KIAA1217: variants seen among roughly 807,000 people sequenced by gnomAD.
KIAA1217 encodes the protein sickle tail protein homolog.
A neutral mutation model predicts 163.9 loss-of-function variants in KIAA1217; 88 were observed. The observed-to-expected ratio is 0.54, with a 90% CI of 0.45 to 0.64. The LOEUF (loss-of-function observed/expected upper bound fraction) is 0.64, where lower values mean the gene tolerates loss of function less well. Among genes scored for constraint, KIAA1217 ranks in the 30% least tolerant of loss-of-function variants. The probability of loss-of-function intolerance (pLI) is 0.00; values close to 1 mark genes in which losing one functional copy is unlikely to be tolerated. For synonymous variants in KIAA1217, 903 were observed against 923.1 expected, an observed-to-expected ratio of 0.98 and a Z score of 0.39; for missense variants, 2,372 against 2,475.0, an observed-to-expected ratio of 0.96 and a Z score of 0.88.
chr10:24,312,104 T>C (rs1206251351), intron 2 of KIAA1217, among the ~76,000 whole-genome samples: 1 of 152,130 alleles, frequency 6.6e-6, no homozygotes, highest in East Asian at 1.9e-4. Flanking sequence ...CTGGGCTTCC[T>C]CCTTCAGAGG....
rs989265856 is a variant in KIAA1217 at position 24,183,077 on chromosome 10, C to T, written c.-170-36549C>T. Among the ~76,000 whole-genome samples, 19 of 152,228 alleles carry T rather than the reference C, an allele frequency of 1.2e-4. 1 individual carries two copies. The highest frequency in any genetic ancestry group is 1.2e-3 in the South Asian group (6 of 4,824). ...GGGACTGAATTAGTGCCCACAAGAG[C>T]GGGTTGCTATAAAGCTGGGACACCC... is the stretch of plus-strand genomic sequence containing the variant. On this transcript the variant is annotated intron_variant, in intron 2 of 18. Coordinates refer to the KIAA1217 transcript ENST00000376462.
intron 1 of KIAA1217, among the ~76,000 whole-genome samples, chr10:23,899,873 G>A (rs1841881236): frequency 6.6e-6 from 1 of 151,962 alleles, no homozygotes; most frequent in Non-Finnish European, 1.5e-5. Context: ...TTTTTACTTT[G>A]ATTTAGTCCA....
intron 1 of KIAA1217, among the ~76,000 whole-genome samples, chr10:23,739,380 A>G (rs1588695489): frequency 2.0e-5 from 3 of 152,342 alleles, no homozygotes; most frequent in Admixed American, 2.0e-4. Flanking sequence ...TCTTAAATTT[A>G]CACAATTTTG....
At chr10:24,068,798 C>T (rs1350815320) in intron 2 of KIAA1217, among the ~76,000 whole-genome samples, 2 of 152,214 alleles carry the variant, frequency 1.3e-5, no homozygotes, top group Non-Finnish European at 2.9e-5. Context: ...GTTGACTATG[C>T]ACCCAACTCT....
intron 2 of KIAA1217, among the ~76,000 whole-genome samples, chr10:24,058,214 G>T (rs943536254): frequency 6.6e-6 from 1 of 152,102 alleles, no homozygotes; most frequent in Non-Finnish European, 1.5e-5. Context: ...GTATGCATGG[G>T]TTCATTTCTG....
intron 2 of KIAA1217, among the ~76,000 whole-genome samples, chr10:24,016,561 A>G (rs1847486776): frequency 6.6e-6 from 1 of 152,176 alleles, no homozygotes; most frequent in Admixed American, 6.5e-5. Flanking sequence ...TGTTTAAAGA[A>G]TTCAAGCTAA....
At chr10:24,243,357 C>T (rs1279274306) in intron 2 of KIAA1217, among the ~76,000 whole-genome samples, 2 of 151,860 alleles carry the variant, frequency 1.3e-5, no homozygotes, top group Non-Finnish European at 2.9e-5. Flanking sequence ...TCTAGTGCAC[C>T]CATTATTCAA....
At chr10:23,779,918 C>T (rs778067683) in intron 1 of KIAA1217, among the ~76,000 whole-genome samples, 10 of 152,048 alleles carry the variant, frequency 6.6e-5, no homozygotes, top group East Asian at 3.9e-4. Context: ...ATATTTAGTA[C>T]GGTAATAGGC....
intron 2 of KIAA1217, among the ~76,000 whole-genome samples, chr10:24,281,208 T>G (rs1169976189): frequency 6.6e-6 from 1 of 152,188 alleles, no homozygotes; most frequent in Non-Finnish European, 1.5e-5. Flanking sequence ...TATGGTACAT[T>G]TGTTATGATT....
At chr10:23,784,695 T>G (rs1260584035) in intron 1 of KIAA1217, among the ~76,000 whole-genome samples, 1 of 152,212 alleles carries the variant, frequency 6.6e-6, no homozygotes, top group Non-Finnish European at 1.5e-5. Flanking sequence ...TATTTCAAGT[T>G]GATAATGTCT....
At chr10:23,814,373 G>A (rs1432370831) in intron 1 of KIAA1217, among the ~76,000 whole-genome samples, 2 of 152,148 alleles carry the variant, frequency 1.3e-5, no homozygotes, top group Non-Finnish European at 2.9e-5. Context: ...GAATCCAGGT[G>A]TTCCTATTTC....
intron 2 of KIAA1217, among the ~76,000 whole-genome samples, chr10:24,032,671 G>A (rs938091725): frequency 3.3e-5 from 5 of 152,180 alleles, no homozygotes; most frequent in African/African-American, 7.2e-5. Flanking sequence ...TCACAAGTAT[G>A]TAAAGCCTCA....
chr10:24,302,554 A>AT (rs2041493810), intron 2 of KIAA1217, among the ~76,000 whole-genome samples: 1 of 152,178 alleles, frequency 6.6e-6, no homozygotes, highest in Non-Finnish European at 1.5e-5. Context: ...TTAAGGGCAT[A>AT]TTAGGCACTG....
chr10:24,370,365 G>T (rs182194394), intron 2 of KIAA1217, among the ~76,000 whole-genome samples: 179 of 151,528 alleles, frequency 1.2e-3, no homozygotes, highest in African/African-American at 4.1e-3. Context: ...TAAAATATAG[G>T]TACTATGATT....
chr10:24,384,428 G>T (rs778762686), intron 3 of KIAA1217, among the ~76,000 whole-genome samples: 4 of 152,046 alleles, frequency 2.6e-5, no homozygotes, highest in Non-Finnish European at 2.9e-5. Flanking sequence ...AGAGTGGTAC[G>T]TTTGTTACGA....
rs1487183537 is a variant in KIAA1217, at chr10:24,395,832, A to G, written c.553+14765A>G. ...ACTATAGGTGTGTACTATCAATTAC[A>G]CTTGGCTATTTTGTTGTTGTTGTTA... On this transcript the variant is annotated intron_variant, in intron 3 of 20. Coordinates refer to ENST00000376454, the MANE Select transcript of KIAA1217 (RefSeq NM_019590.5). Among the ~76,000 whole-genome samples, 4 of 152,110 alleles carry G rather than the reference A, an allele frequency of 2.6e-5. No homozygotes were observed. In the East Asian group the frequency reaches 7.7e-4, roughly 29 times the overall value.
intron 2 of KIAA1217, among the ~76,000 whole-genome samples, chr10:24,152,770 A>G (rs2064681041): frequency 6.6e-6 from 1 of 151,692 alleles, no homozygotes; most frequent in Non-Finnish European, 1.5e-5. Context: ...GTGCTGATTT[A>G]TTTTAAAAGC....
At chr10:23,725,276 T>C (rs1838074365) in intron 1 of KIAA1217, among the ~76,000 whole-genome samples, 1 of 152,228 alleles carries the variant, frequency 6.6e-6, no homozygotes, top group Admixed American at 6.5e-5. Context: ...AGAGTCTTAA[T>C]GGAAGTTTGC....
chr10:23,729,811 C>A (rs1838370742), intron 1 of KIAA1217, among the ~76,000 whole-genome samples: 1 of 152,030 alleles, frequency 6.6e-6, no homozygotes, highest in African/African-American at 2.4e-5. Flanking sequence ...TTTATTCTTT[C>A]TTTCATGGAT....
Sources: gnomAD v4.1 joint callset for allele counts (sites outside exome capture counted in the v4.1 genomes callset) on GRCh38, gnomAD v4.1.1 for gene constraint, MANE v1.5 for transcripts, NCBI Gene and HGNC (gene_info 2026-07-23, HGNC 2026-07-21) for gene names.